Variants in STX2 observed in about 807,000 individuals in gnomAD.
STX2 encodes the protein syntaxin 2, also known as syntaxin-2.
A neutral mutation model predicts 40.6 loss-of-function variants in STX2; 27 were observed. The ratio of observed to expected loss-of-function variants is 0.66; its 90% confidence interval spans 0.49 to 0.92. The LOEUF is 0.92. Among genes scored for constraint, STX2 ranks in the 40% least tolerant of loss-of-function variants. The pLI, the probability that STX2 is intolerant of heterozygous loss-of-function variation, is 0.00. For missense variants in STX2, 328 were observed against 366.1 expected (o/e 0.90, Z 0.85); for synonymous variants, 123 against 119.1 (o/e 1.03, Z -0.22).
intron 1 of STX2, among the ~76,000 whole-genome samples, chr12:130,832,404 T>G (rs1395356805): frequency 6.6e-6 from 1 of 151,348 alleles, no homozygotes; most frequent in East Asian, 1.9e-4. Context: ...GTCAGGATGG[T>G]TTTCTGGAAC....
At chr12:130,813,371 T>C (rs750500587) in intron 3 of STX2, among the ~76,000 whole-genome samples, 1 of 152,222 alleles carries the variant, frequency 6.6e-6, no homozygotes, top group African/African-American at 2.4e-5. Flanking sequence ...TGAATGAAAC[T>C]GCTGCCTAAA....
chr12:130,794,071 T>C (rs537678827), intron 10 of STX2, among the ~76,000 whole-genome samples: 1 of 152,208 alleles, frequency 6.6e-6, no homozygotes, highest in African/African-American at 2.4e-5. Context: ...CCATGAAAAG[T>C]CGCGCATTTC....
At chr12:130,795,578 A>T (rs952743899) in intron 10 of STX2, among the ~76,000 whole-genome samples, 4 of 152,046 alleles carry the variant, frequency 2.6e-5, no homozygotes, top group Non-Finnish European at 4.4e-5. Context: ...ACTAAAAATA[A>T]TTTTTTTAAA....
intron 3 of STX2, among the ~76,000 whole-genome samples, chr12:130,815,396 C>A (rs751979686): frequency 6.6e-6 from 1 of 152,178 alleles, no homozygotes; most frequent in Admixed American, 6.5e-5. Context: ...TGTTCGTGCG[C>A]GTGTGAGATG....
chr12:130,803,938 C>A (rs1951330722), intron 6 of STX2, among the ~76,000 whole-genome samples: 1 of 152,178 alleles, frequency 6.6e-6, no homozygotes, highest in African/African-American at 2.4e-5. Context: ...AACTCCTCCC[C>A]CTTACTGTGA....
intron 6 of STX2, among the ~76,000 whole-genome samples, chr12:130,806,412 G>A (rs1951435970): frequency 1.3e-5 from 2 of 152,226 alleles, no homozygotes; most frequent in African/African-American, 4.8e-5. Context: ...CAGAGCAGCT[G>A]CAGTGGGACG....
chr12:130,792,127 C>G (rs1385343924), intron 10 of STX2, 150 bp from the exon 11 acceptor site: 2 of 544,314 alleles, frequency 3.7e-6, no homozygotes. Flanking sequence ...AGAATGTGAT[C>G]TTGGCTCACA....
At chr12:130,819,099 G>A (rs1952012439) in intron 3 of STX2, among the ~76,000 whole-genome samples, 1 of 152,176 alleles carries the variant, frequency 6.6e-6, no homozygotes, top group East Asian at 1.9e-4. Context: ...GGCGCGGCGC[G>A]GGCGGTGCTG....
At chr12:130,829,061 C>A (rs1013860687) in intron 1 of STX2, among the ~76,000 whole-genome samples, 1 of 152,012 alleles carries the variant, frequency 6.6e-6, no homozygotes, top group African/African-American at 2.4e-5. Context: ...AGACCAGGTG[C>A]GTTATCTGTC....
In STX2 at chr12:130,818,203, T is replaced by A. The variant is rs1347170537; in HGVS notation, c.205+3486A>T. Reference sequence around the variant, plus strand: ...AAAAAAAAATATATATATATATATATATATATATATATATAAAATTATCTG... The same window carrying A: ...AAAAAAAAATATATATATATATATAAATATATATATATATAAAATTATCTG... On this transcript the variant is annotated intron_variant, in intron 3 of 10. Coordinates refer to ENST00000392373, the MANE Select transcript of STX2 (RefSeq NM_194356.4). Among the ~76,000 whole-genome samples, 514 of 116,832 alleles carry A rather than the reference T, an allele frequency of 4.4e-3. 26 individuals carry two copies. Among genetic ancestry groups the A allele is most frequent in the African/African-American group, 0.017 (402 of 24,146 alleles). The allele number at this position is 116,832 out of a possible 152,430, so 76.6% of individuals were successfully genotyped here.
intron 3 of STX2, among the ~76,000 whole-genome samples, chr12:130,818,668 G>GGAGACGATA (rs1411425666): frequency 6.6e-6 from 1 of 151,390 alleles, no homozygotes; most frequent in Non-Finnish European, 1.5e-5. Context: ...TGGAGACGAT[G>GGAGACGATA]GAGACGGTGC....
intron 2 of STX2, among the ~76,000 whole-genome samples, chr12:130,824,678 T>G (rs1460782924): frequency 2.6e-5 from 4 of 152,166 alleles, no homozygotes; most frequent in Non-Finnish European, 5.9e-5. Context: ...CTGGCCACCC[T>G]TCAGAGCACT....
chr12:130,821,649 C>A (rs772612797), intron 3 of STX2, 40 bp downstream of exon 3: 3 of 1,531,942 alleles, frequency 2.0e-6, no homozygotes, highest in Non-Finnish European at 1.8e-6. Context: ...GAGGGACACA[C>A]AGACAGACAA....
chr12:130,796,858 T>C (rs1323360264), intron 9 of STX2, among the ~76,000 whole-genome samples: 1 of 151,900 alleles, frequency 6.6e-6, no homozygotes, highest in Non-Finnish European at 1.5e-5. Flanking sequence ...GCTCCTGACA[T>C]AGCACACAGA....
intron 4 of STX2, chr12:130,811,073 A>T (rs1364273219): frequency 6.6e-6 from 1 of 152,220 alleles, no homozygotes; most frequent in Admixed American, 6.5e-5. Flanking sequence ...ACAAAGAAGG[A>T]AGAATAAAAT....
rs1952227870 is a variant in STX2, at chr12:130,824,506, C to T, written c.105+2687G>A. Among the ~76,000 whole-genome samples the T allele has an allele frequency of 2.0e-5, 3 of 152,168 alleles. No homozygotes were observed. In the South Asian group the frequency reaches 6.2e-4, roughly 32 times the overall value. Reference sequence around the variant, plus strand: ...TATACACCGCTGCTAACTCCAAGCCCCCGTATGGCTCCAGAGGAACAGGAG... The same window carrying T: ...TATACACCGCTGCTAACTCCAAGCCTCCGTATGGCTCCAGAGGAACAGGAG... On this transcript the variant is annotated intron_variant, in intron 2 of 10. Coordinates refer to ENST00000392373, the MANE Select transcript of STX2 (RefSeq NM_194356.4).
At chr12:130,815,428 C>T (rs528431347) in intron 3 of STX2, among the ~76,000 whole-genome samples, 1 of 152,244 alleles carries the variant, frequency 6.6e-6, no homozygotes, top group Non-Finnish European at 1.5e-5. Flanking sequence ...AACCTCATTA[C>T]ATCAGCACAT....
chr12:130,803,660 C>A (rs1451345553), intron 6 of STX2, among the ~76,000 whole-genome samples: 1 of 73,264 alleles, frequency 1.4e-5, no homozygotes, highest in Non-Finnish European at 2.5e-5. Flanking sequence ...GCGTGAGGCT[C>A]TCTCTCAAAA....
At chr12:130,829,406 G>C (rs775043296) in intron 1 of STX2, among the ~76,000 whole-genome samples, 1 of 152,188 alleles carries the variant, frequency 6.6e-6, no homozygotes, top group Non-Finnish European at 1.5e-5. Context: ...TCGCAGGGAC[G>C]GCAGAGCAGA....
Sources: gnomAD v4.1 joint callset for allele counts (sites outside exome capture counted in the v4.1 genomes callset) on GRCh38, gnomAD v4.1.1 for gene constraint, MANE v1.5 for transcripts, NCBI Gene and HGNC (gene_info 2026-07-23, HGNC 2026-07-21) for gene names.